Variants in SYN3 observed in about 807,000 individuals in gnomAD.
SYN3 encodes synapsin-3.
In SYN3, 35 loss-of-function variants were observed where a neutral mutation model predicts 65.8. The observed-to-expected ratio is 0.53, with a 90% confidence interval of 0.41 to 0.70. The LOEUF (loss-of-function observed/expected upper bound fraction) is 0.70, where lower values mean the gene tolerates loss of function less well. SYN3 is among the 30% of genes least tolerant of loss of function. SYN3 has a pLI of 0.00. For synonymous variants in SYN3, 270 were observed against 292.9 expected, an observed-to-expected ratio of 0.92 and a Z score of 0.80; for missense variants, 680 against 749.0, an observed-to-expected ratio of 0.91 and a Z score of 1.08.
chr22:32,895,193 C>A (rs1458298014), intron 4 of SYN3, among the ~76,000 whole-genome samples: 1 of 152,130 alleles, frequency 6.6e-6, no homozygotes, highest in Non-Finnish European at 1.5e-5. Context: ...TGTGGGAAAT[C>A]AGTGAATGAG....
chr22:32,880,813 G>A (rs183143882), intron 4 of SYN3, among the ~76,000 whole-genome samples: 20 of 152,314 alleles, frequency 1.3e-4, no homozygotes, highest in Admixed American at 7.8e-4. Flanking sequence ...CAAGTTGCGC[G>A]TCTCGTAAAC....
chr22:32,544,026 C>A (rs2058299776), intron 7 of SYN3, among the ~76,000 whole-genome samples: 1 of 152,170 alleles, frequency 6.6e-6, no homozygotes, highest in Admixed American at 6.5e-5. Context: ...GCAGCCTTGA[C>A]TTCCTGAGCT....
At chr22:32,764,304 C>G (rs561181372) in intron 6 of SYN3, among the ~76,000 whole-genome samples, 1 of 152,156 alleles carries the variant, frequency 6.6e-6, no homozygotes, top group Non-Finnish European at 1.5e-5. Flanking sequence ...AGCACAGAAA[C>G]AAAATGTCCC....
At chr22:32,592,261 C>T (rs2059138030) in intron 7 of SYN3, among the ~76,000 whole-genome samples, 1 of 152,268 alleles carries the variant, frequency 6.6e-6, no homozygotes, top group African/African-American at 2.4e-5. Context: ...CAGTACTACC[C>T]CCTCACTGTC....
At chr22:32,853,306 C>T (rs556616045) in intron 6 of SYN3, among the ~76,000 whole-genome samples, 3 of 152,264 alleles carry the variant, frequency 2.0e-5, no homozygotes, top group South Asian at 2.1e-4. Context: ...AGATCATGGC[C>T]GTGATAGCTC....
rs547256885 is a variant in SYN3, at chr22:32,868,566, G to A, written c.621+400C>T. On this transcript the variant is annotated intron_variant, in intron 5 of 13. Coordinates refer to ENST00000358763, the MANE Select transcript of SYN3 (RefSeq NM_003490.4). ...AGCGATTCTCCTGCCTCAGCCTCCCGAGTAGCTGGGATTACAGCGGGATTA... is the reference window on the plus strand; with the variant it reads ...AGCGATTCTCCTGCCTCAGCCTCCCAAGTAGCTGGGATTACAGCGGGATTA... Among the ~76,000 whole-genome samples the A allele has an allele frequency of 2.9e-3, 433 of 151,696 alleles. 3 individuals carry two copies. The highest frequency in any genetic ancestry group is 9.9e-3 in the African/African-American group (411 of 41,396).
chr22:32,887,079 T>C (rs1392704697), intron 4 of SYN3, among the ~76,000 whole-genome samples: 2 of 152,182 alleles, frequency 1.3e-5, no homozygotes, highest in African/African-American at 2.4e-5. Flanking sequence ...GCTGCCATGT[T>C]ATAGAAAGAC....
At chr22:32,936,334 C>G (rs2050775231) in intron 3 of SYN3, among the ~76,000 whole-genome samples, 1 of 152,128 alleles carries the variant, frequency 6.6e-6, no homozygotes, top group Admixed American at 6.5e-5. Flanking sequence ...AGCTTACTGC[C>G]TAGAGGCAGT....
chr22:32,845,196 G>A (rs190836013), intron 6 of SYN3, among the ~76,000 whole-genome samples: 94 of 152,082 alleles, frequency 6.2e-4, no homozygotes, highest in Middle Eastern at 6.8e-3. Context: ...TAGTCCTCTA[G>A]CCATAAACTT....
At chr22:32,816,210 C>T (rs115172907) in intron 6 of SYN3, among the ~76,000 whole-genome samples, 2,276 of 151,638 alleles carry the variant, frequency 0.015, 61 homozygotes, top group African/African-American at 0.052. Flanking sequence ...ATTGCAGGGG[C>T]GGGGGTAGGG....
chr22:32,528,900 T>G lies in SYN3; in HGVS notation c.1204A>C (p.Thr402Pro). Residue 402 changes from threonine (T) to proline (P), a missense_variant, in exon 11 of 14, where the codon ACA becomes CCA. By Grantham distance (38) the Thr-to-Pro change is conservative (BLOSUM62 -1). Transcript: ENST00000358763. The stretch of plus-strand genomic sequence containing the variant: ...CAAGGTCTGAGGGGGGAGGGCGCTG[T>G]GCCTCCTGGCATCGGGAGCTGGCTC... ...KMSQLPMPGG[T>P]APSPLRPWAP... 6.2e-7 allele frequency: 1 copy of G among 1,614,150 alleles called. No homozygotes were observed. The highest frequency in any genetic ancestry group is 8.5e-7 in the Non-Finnish European group (1 of 1,180,040).
intron 7 of SYN3, among the ~76,000 whole-genome samples, chr22:32,549,991 C>T (rs1474423309): frequency 1.3e-5 from 2 of 151,944 alleles, no homozygotes; most frequent in African/African-American, 4.8e-5. Flanking sequence ...CTAGTCCTCA[C>T]TGTATATATC....
intron 6 of SYN3, among the ~76,000 whole-genome samples, chr22:32,771,286 T>C (rs1026085046): frequency 4.6e-5 from 7 of 152,224 alleles, no homozygotes; most frequent in Non-Finnish European, 8.8e-5. Flanking sequence ...TAACCAGCCT[T>C]GCCCTCTGAA....
chr22:32,601,328 A>T (rs1425616909), intron 6 of SYN3, among the ~76,000 whole-genome samples: 2 of 148,574 alleles, frequency 1.3e-5, no homozygotes, highest in East Asian at 4.0e-4. Flanking sequence ...CCCAGGCTGG[A>T]GTGCAGTGGT....
chr22:32,794,768 G>T (rs1184608248), intron 6 of SYN3, among the ~76,000 whole-genome samples: 4 of 152,178 alleles, frequency 2.6e-5, no homozygotes, highest in Admixed American at 1.3e-4. Context: ...GGTCCATTCT[G>T]CTGGGGCAGA....
intron 1 of SYN3, among the ~76,000 whole-genome samples, chr22:33,034,771 C>T (rs1395364986): frequency 7.2e-5 from 11 of 152,198 alleles, no homozygotes; most frequent in Non-Finnish European, 1.5e-4. Context: ...GCTTCAGCAA[C>T]TTGCAGAACA....
At chr22:32,594,215 G>A (rs1026074693) in intron 7 of SYN3, among the ~76,000 whole-genome samples, 3 of 152,096 alleles carry the variant, frequency 2.0e-5, no homozygotes, top group African/African-American at 7.2e-5. Context: ...GCAAGAAGTG[G>A]GGCAGGGGGC....
chr22:32,775,518 T>C (rs986551687), intron 6 of SYN3, among the ~76,000 whole-genome samples: 1 of 152,186 alleles, frequency 6.6e-6, no homozygotes, highest in Admixed American at 6.5e-5. Context: ...CTCCTTTGCA[T>C]TGCAGTAGAG....
chr22:33,002,295 G>A (rs1187838740), intron 2 of SYN3, among the ~76,000 whole-genome samples: 1 of 152,146 alleles, frequency 6.6e-6, no homozygotes, highest in Non-Finnish European at 1.5e-5. Context: ...CAGACTGATG[G>A]TCTGAATCTG....
Sources: allele counts gnomAD v4.1 joint callset (sites outside exome capture counted in the v4.1 genomes callset), GRCh38; gene constraint gnomAD v4.1.1; transcripts MANE v1.5; gene names NCBI Gene and HGNC (gene_info 2026-07-23, HGNC 2026-07-21).